The following RFX3 variants were observed in gnomAD, a reference collection of about 807,000 sequenced individuals.
RFX3 encodes the protein regulatory factor X3.
Under a neutral mutation model 98.6 loss-of-function variants are expected in RFX3, and 14 were observed. That is an observed-to-expected ratio of 0.14 (90% CI 0.09 to 0.22). The LOEUF (loss-of-function observed/expected upper bound fraction) is 0.22. Ranked by LOEUF, RFX3 falls within the 10% of genes least tolerant of loss-of-function variation. RFX3 has a pLI of 1.00. For missense variants in RFX3, 639 were observed against 926.9 expected (o/e 0.69, Z 4.03); for synonymous variants, 383 against 328.4 (o/e 1.17, Z -1.80).
At chr9:3,247,186 T>A (rs1820791290) in intron 15 of RFX3, 1 of 985,558 alleles carries the variant, frequency 1.0e-6, no homozygotes, top group Admixed American at 6.1e-5. Context: ...GCATTCAATA[T>A]AACAAAATAA....
intron 1 of RFX3, among the ~76,000 whole-genome samples, chr9:3,436,436 C>G (rs1447303783): frequency 6.6e-6 from 1 of 151,936 alleles, no homozygotes; most frequent in Admixed American, 6.6e-5. Flanking sequence ...GTCTAGCAAT[C>G]AAAGGTATGA....
intron 1 of RFX3, among the ~76,000 whole-genome samples, chr9:3,427,523 A>C (rs1441032351): frequency 6.7e-6 from 1 of 148,402 alleles, no homozygotes; most frequent in Admixed American, 6.8e-5. Context: ...CTATATAAAT[A>C]ATACAATGCA....
chr9:3,449,297 A>T (rs1410032583), intron 1 of RFX3, among the ~76,000 whole-genome samples: 1 of 152,098 alleles, frequency 6.6e-6, no homozygotes. Flanking sequence ...CCATCTCTAC[A>T]CTAAGCTCCA....
At chr9:3,347,826 CA>C (rs1000321109) in intron 2 of RFX3, among the ~76,000 whole-genome samples, 3 of 151,726 alleles carry the variant, frequency 2.0e-5, no homozygotes, top group African/African-American at 4.8e-5. Flanking sequence ...AACTCTGTCT[CA>C]AAAAAACAAA....
chr9:3,449,319 G>A (rs1846348642), intron 1 of RFX3, among the ~76,000 whole-genome samples: 2 of 152,246 alleles, frequency 1.3e-5, no homozygotes, highest in South Asian at 2.1e-4. Flanking sequence ...CCCTCTTGAG[G>A]ATTTCCAGCT....
chr9:3,367,687 C>T (rs997553118), intron 2 of RFX3, among the ~76,000 whole-genome samples: 7 of 152,202 alleles, frequency 4.6e-5, no homozygotes, highest in African/African-American at 1.7e-4. Context: ...CTTCCCCTTT[C>T]TTTGCTTTTA....
At chr9:3,352,423 T>C (rs1464559634) in intron 2 of RFX3, among the ~76,000 whole-genome samples, 1 of 152,018 alleles carries the variant, frequency 6.6e-6, no homozygotes, top group Admixed American at 6.6e-5. Context: ...CATATTTATA[T>C]TGCTCTTAGA....
At chr9:3,480,457 A>G (rs751265713) in intron 1 of RFX3, among the ~76,000 whole-genome samples, 1 of 152,214 alleles carries the variant, frequency 6.6e-6, no homozygotes, top group Non-Finnish European at 1.5e-5. Context: ...CTCTTTGTTA[A>G]AACAAGCTAC....
chr9:3,331,720 G>A (rs192794628), intron 3 of RFX3, among the ~76,000 whole-genome samples: 45 of 152,090 alleles, frequency 3.0e-4, no homozygotes, highest in Admixed American at 2.6e-3. Flanking sequence ...ATATTTTTCT[G>A]AGTTTTCCAT....
intron 2 of RFX3, among the ~76,000 whole-genome samples, chr9:3,364,177 T>TTTCAA (rs1274671120): frequency 6.6e-6 from 1 of 152,200 alleles, no homozygotes; most frequent in African/African-American, 2.4e-5. Context: ...CCCAGCCCAT[T>TTTCAA]TTCAATTCTC....
chr9:3,417,960 T>C (rs1031395757), intron 1 of RFX3, among the ~76,000 whole-genome samples: 1 of 152,192 alleles, frequency 6.6e-6, no homozygotes, highest in Non-Finnish European at 1.5e-5. Context: ...ATGCCTATTT[T>C]CACCTAATAA....
chr9:3,256,303 AT>A (rs1017832306), intron 14 of RFX3, among the ~76,000 whole-genome samples: 1 of 146,914 alleles, frequency 6.8e-6, no homozygotes, highest in African/African-American at 2.5e-5. Context: ...CAAGATTTTG[AT>A]TTAGTAGGTC....
intron 2 of RFX3, among the ~76,000 whole-genome samples, chr9:3,356,972 C>T (rs558227378): frequency 9.2e-5 from 13 of 141,702 alleles, no homozygotes; most frequent in African/African-American, 1.5e-4. Flanking sequence ...TGCACACACA[C>T]GCACACACAC....
intron 13 of RFX3, among the ~76,000 whole-genome samples, chr9:3,257,864 C>A (rs1008488118): frequency 6.6e-6 from 1 of 152,122 alleles, no homozygotes; most frequent in East Asian, 1.9e-4. Flanking sequence ...TGTAGACGTG[C>A]TTCCTGCCAA....
chr9:3,427,799 T>C (rs143136216), intron 1 of RFX3, among the ~76,000 whole-genome samples: 9 of 152,254 alleles, frequency 5.9e-5, no homozygotes, highest in African/African-American at 2.2e-4. Context: ...ACTTGCCATA[T>C]GTGCAGTTCA....
intron 1 of RFX3, among the ~76,000 whole-genome samples, chr9:3,404,247 A>G (rs1316004917): frequency 6.6e-6 from 1 of 152,214 alleles, no homozygotes; most frequent in Non-Finnish European, 1.5e-5. Flanking sequence ...ACTTGCTGTA[A>G]AACATAATGC....
chr9:3,357,696 T>C (rs1417935018), intron 2 of RFX3, among the ~76,000 whole-genome samples: 1 of 152,020 alleles, frequency 6.6e-6, no homozygotes, highest in Admixed American at 6.6e-5. Flanking sequence ...AGGGAAATTG[T>C]AGTTAACAAT....
At chr9:3,361,524 G>C (rs941834602) in intron 2 of RFX3, among the ~76,000 whole-genome samples, 2 of 151,910 alleles carry the variant, frequency 1.3e-5, no homozygotes, top group African/African-American at 4.8e-5. Flanking sequence ...GTAGGCACCA[G>C]GCACAATGGC....
chr9:3,524,156 A>C (rs1818987941), intron 1 of RFX3, among the ~76,000 whole-genome samples: 1 of 152,176 alleles, frequency 6.6e-6, no homozygotes, highest in African/African-American at 2.4e-5. Context: ...ACAATAGTAC[A>C]TTATATTTGT....
Sources: gnomAD v4.1 joint callset for allele counts (sites outside exome capture counted in the v4.1 genomes callset) on GRCh38, gnomAD v4.1.1 for gene constraint, MANE v1.5 for transcripts, NCBI Gene and HGNC (gene_info 2026-07-23, HGNC 2026-07-21) for gene names.